CACNA2D4: variants seen among roughly 807,000 people sequenced by gnomAD.
CACNA2D4 encodes the protein voltage-dependent calcium channel subunit alpha-2/delta-4.
Under a neutral mutation model 163.8 loss-of-function variants are expected in CACNA2D4, and 157 were observed. The ratio of observed to expected loss-of-function variants is 0.96; its 90% CI spans 0.84 to 1.09. CACNA2D4 has a LOEUF of 1.09. Ranked by LOEUF, CACNA2D4 falls within the 50% of genes least tolerant of loss-of-function variation. CACNA2D4 has a pLI of 0.00. For synonymous variants in CACNA2D4, 598 were observed against 586.9 expected (o/e 1.02, Z -0.27); for missense variants, 1,410 against 1,479.9 (o/e 0.95, Z 0.78).
intron 2 of CACNA2D4, 58 bp from the exon 3 acceptor site, chr12:1,913,197 C>T (rs1199600738): frequency 3.4e-6 from 4 of 1,185,712 alleles, no homozygotes; most frequent in Non-Finnish European, 5.0e-6. Context: ...GATAGTTGCA[C>T]CTGTGTATGC....
chr12:1,811,864 G>A (rs1348492884), intron 26 of CACNA2D4, 141 bp from the exon 27 acceptor site: 4 of 745,656 alleles, frequency 5.4e-6, no homozygotes, highest in Non-Finnish European at 9.0e-6. Flanking sequence ...TCAGAGGGCA[G>A]AGTGCAAACT....
chr12:1,801,718 T>G lies in CACNA2D4; in HGVS notation c.2722-74A>C. On this transcript the variant is annotated intron_variant, in intron 29 of 37. Coordinates refer to ENST00000382722, the MANE Select transcript of CACNA2D4 (RefSeq NM_172364.5). The stretch of plus-strand genomic sequence containing the variant: ...GGATGGAGCCTTCCGAGTCCAGCAC[T>G]ATTTATTCAGCTCAGGTCGAGGCTT... 3.8e-6 allele frequency: 4 copies of G among 1,042,558 alleles called. No homozygotes were observed. The South Asian group carries it at 6.4e-5, about 17-fold the overall frequency. The allele number at this position is 1,042,558 out of a possible 1,614,324, so 64.6% of individuals were successfully genotyped here.
At chr12:1,886,641 G>A (rs925505832) in intron 7 of CACNA2D4, among the ~76,000 whole-genome samples, 3 of 152,156 alleles carry the variant, frequency 2.0e-5, no homozygotes, top group East Asian at 1.9e-4. Flanking sequence ...TAGACCAACC[G>A]GGGTCCCTGA....
chr12:1,831,747 A>ACCCCCCCCCCCCCCCCCCCCCCCCTCCC (rs1555178968), intron 26 of CACNA2D4, among the ~76,000 whole-genome samples: 2 of 114,316 alleles, frequency 1.7e-5, no homozygotes, highest in Non-Finnish European at 3.7e-5. Flanking sequence ...TGCTCCCTCC[A>ACCCCCCCCCCCCCCCCCCCCCCCCTCCC]CCCCCACCCT....
Position 1,883,678 on chromosome 12 carries a change from C to G in CACNA2D4, c.1351+565G>C, listed in dbSNP as rs1866060925. ...AACACCCTTCCAGTCGCCCCACTGA[C>G]TTGGAGAGTGCCTCCCCCATGGCCC... On this transcript the variant is annotated intron_variant, in intron 12 of 37. Transcript: ENST00000382722. This position sits in a 1 kb window ranked among gnomAD's most constrained non-coding sequence, Gnocchi z 4.5. Among the ~76,000 whole-genome samples, 1 of 152,178 alleles carries G rather than the reference C, an allele frequency of 6.6e-6. No homozygotes were observed. The highest frequency in any genetic ancestry group is 1.5e-5 in the Non-Finnish European group (1 of 68,028).
At chr12:1,903,571 C>T (rs185228811) in intron 6 of CACNA2D4, among the ~76,000 whole-genome samples, 9 of 151,712 alleles carry the variant, frequency 5.9e-5, no homozygotes, top group Non-Finnish European at 1.0e-4. Flanking sequence ...TCTGAATGTA[C>T]GTGTCTCAAA....
rs201441835 is a variant in CACNA2D4, at chr12:1,886,027, C to T, written c.1006G>A (p.Val336Ile). 2.7e-5 allele frequency: 44 copies of T among 1,612,826 alleles called. No homozygotes were observed. The highest frequency in any genetic ancestry group is 5.0e-5 in the Admixed American group (3 of 59,986). Residue 336 changes from valine (V) to isoleucine (I), a missense_variant, in exon 9 of 38, where the codon GTC becomes ATC. Physicochemically the swap from Val to Ile is conservative, Grantham distance 29. Coordinates refer to ENST00000382722, the MANE Select transcript of CACNA2D4 (RefSeq NM_172364.5). Reference protein sequence around the residue: ...FINIIAYNDYVHYIEPCFKGI... With the variant: ...FINIIAYNDYIHYIEPCFKGI... The stretch of plus-strand genomic sequence containing the variant: ...TTAAAACAAGGCTCGATGTAATGGA[C>T]GTAGTCATTGTACTGCAGTTGCAGT...
Position 1,828,273 on chromosome 12 carries a change from C to T in CACNA2D4, c.2551+12466G>A. On this transcript the variant is annotated intron_variant, in intron 26 of 37. Transcript: ENST00000382722. This position sits in a 1 kb window ranked among gnomAD's most constrained non-coding sequence, Gnocchi z 4.2. ...GGGTTGGGTGGGGGTGCCGAGGTGA[C>T]TGTAGGTAGCGCCATATGGGACCTT... The T allele has an allele frequency of 7.0e-7, 1 of 1,431,982 alleles. No homozygotes were observed. The highest frequency in any genetic ancestry group is 9.4e-7 in the Non-Finnish European group (1 of 1,060,186). 88.7% of individuals were successfully genotyped at this position (1,431,982 alleles called of 1,614,324 possible). A position where few individuals can be genotyped will look rare whatever the true frequency, so the allele number is the denominator to read the frequency against.
chr12:1,832,225 G>A (rs1021479272), intron 26 of CACNA2D4, among the ~76,000 whole-genome samples: 10 of 152,158 alleles, frequency 6.6e-5, no homozygotes, highest in African/African-American at 2.2e-4. Context: ...TCTGAATTTC[G>A]GCTCTGCCAC....
chr12:1,865,535 A>G (rs1481181419), intron 18 of CACNA2D4, among the ~76,000 whole-genome samples: 2 of 151,432 alleles, frequency 1.3e-5, no homozygotes, highest in Middle Eastern at 3.4e-3. Context: ...CAAAGGTCAC[A>G]TTCTTAGAGC....
chr12:1,842,318 G>T (rs1865043296), intron 25 of CACNA2D4, among the ~76,000 whole-genome samples: 1 of 152,210 alleles, frequency 6.6e-6, no homozygotes, highest in Non-Finnish European at 1.5e-5. Flanking sequence ...GCTCCACGTG[G>T]TCGGGACTTA....
At chr12:1,915,044 CA>C (rs1866931813) in intron 1 of CACNA2D4, 109 bp from the exon 2 acceptor site, 1 of 801,362 alleles carries the variant, frequency 1.2e-6, no homozygotes, top group African/African-American at 1.7e-5. Flanking sequence ...TGTCTACACA[CA>C]GACACCTGCT....
At chr12:1,916,494 T>A (rs1308976716) in intron 1 of CACNA2D4, among the ~76,000 whole-genome samples, 1 of 152,122 alleles carries the variant, frequency 6.6e-6, no homozygotes, top group African/African-American at 2.4e-5. Flanking sequence ...GCAGGAGGGC[T>A]CTCTCAAGGA....
At chr12:1,862,492 C>T (rs552615293) in intron 18 of CACNA2D4, among the ~76,000 whole-genome samples, 4 of 152,294 alleles carry the variant, frequency 2.6e-5, no homozygotes, top group African/African-American at 9.6e-5. Flanking sequence ...TGTCTCACTG[C>T]AGCCTCAGCT....
chr12:1,851,961 T>C (rs753783302), intron 23 of CACNA2D4, among the ~76,000 whole-genome samples: 29 of 152,176 alleles, frequency 1.9e-4, no homozygotes, highest in Admixed American at 1.2e-3. Context: ...CGTATGTTCT[T>C]GTAGTCTTAT....
chr12:1,825,629 T>C (rs879616850), intron 26 of CACNA2D4, among the ~76,000 whole-genome samples: 1 of 152,216 alleles, frequency 6.6e-6, no homozygotes, highest in Admixed American at 6.5e-5. Flanking sequence ...TGGGCACATG[T>C]ATGTTAGCAC....
At position 1,878,891 on chromosome 12, in the gene CACNA2D4, T is replaced by C; in HGVS notation, c.1644+65A>G. ...TGGCTTGCCTGGAGAGAGGCTCCCA[T>C]CACGGGGGAGGGAGTTTGCTCCTGG... On this transcript the variant is annotated intron_variant, in intron 15 of 37. Coordinates refer to ENST00000382722, the MANE Select transcript of CACNA2D4 (RefSeq NM_172364.5). The surrounding 1 kb of genome is among the most constrained non-coding windows in gnomAD (Gnocchi z 4.6). 2.1e-6 allele frequency: 3 copies of C among 1,454,802 alleles called. No homozygotes were observed. The highest frequency in any genetic ancestry group is 2.9e-6 in the Non-Finnish European group (3 of 1,048,978). 90.1% of individuals were successfully genotyped at this position (1,454,802 alleles called of 1,614,324 possible). A position where few individuals can be genotyped will look rare whatever the true frequency, so the allele number is the denominator to read the frequency against.
chr12:1,881,308 G>A (rs753574139), intron 13 of CACNA2D4, among the ~76,000 whole-genome samples: 3 of 152,220 alleles, frequency 2.0e-5, no homozygotes, highest in Non-Finnish European at 2.9e-5. Context: ...TCCTAGCACC[G>A]TCTGACATCA....
At chr12:1,826,710 G>GT (rs761843230) in intron 26 of CACNA2D4, among the ~76,000 whole-genome samples, 4 of 152,160 alleles carry the variant, frequency 2.6e-5, no homozygotes, top group Non-Finnish European at 5.9e-5. Context: ...CCTTGCCGGG[G>GT]GCAGAGCCGA....
Sources: allele counts gnomAD v4.1 joint callset (sites outside exome capture counted in the v4.1 genomes callset), GRCh38; gene constraint gnomAD v4.1.1; non-coding constraint Gnocchi (gnomAD v3.1); transcripts MANE v1.5; gene names NCBI Gene and HGNC (gene_info 2026-07-23, HGNC 2026-07-21).